Variants in NAA15 observed in about 807,000 individuals in gnomAD.
NAA15 encodes the protein N-alpha-acetyltransferase 15, NatA auxiliary subunit.
A neutral mutation model predicts 114.0 loss-of-function variants in NAA15; 34 were observed. That is an observed-to-expected ratio of 0.30 (90% CI 0.23 to 0.40). NAA15 has a LOEUF of 0.40. Ranked by LOEUF, NAA15 falls within the 10% of genes least tolerant of loss-of-function variation. The probability of loss-of-function intolerance (pLI) is 1.00; values close to 1 mark genes in which losing one functional copy is unlikely to be tolerated. For missense variants in NAA15, 658 were observed against 1,004.5 expected (o/e 0.66, Z 4.66); for synonymous variants, 340 against 338.0 (o/e 1.01, Z -0.06).
chr4:139,321,568 T>G (rs1746612291), intron 1 of NAA15, among the ~76,000 whole-genome samples: 1 of 149,900 alleles, frequency 6.7e-6, no homozygotes, highest in African/African-American at 2.5e-5. Flanking sequence ...GCCTCCCGGA[T>G]TCATGCCATT....
chr4:139,371,042 C>G (rs1304646567), intron 15 of NAA15, among the ~76,000 whole-genome samples: 1 of 152,122 alleles, frequency 6.6e-6, no homozygotes, highest in African/African-American at 2.4e-5. Flanking sequence ...TAATAACATT[C>G]CTTTGTCCTT....
chr4:139,302,006 C>T (rs937593371), intron 1 of NAA15, 175 bp downstream of exon 1: 1 of 613,272 alleles, frequency 1.6e-6, no homozygotes. Flanking sequence ...TACTATGGCC[C>T]GCGCGCCAGG....
intron 15 of NAA15, among the ~76,000 whole-genome samples, chr4:139,373,072 G>A (rs1269652478): frequency 1.3e-5 from 2 of 151,946 alleles, no homozygotes; most frequent in South Asian, 2.1e-4. Context: ...TATGGCAATG[G>A]GATTCTACCA....
chr4:139,385,294 A>ATATATAATATATATTATATATATAT (rs1748879101), intron 18 of NAA15, among the ~76,000 whole-genome samples: 1 of 95,212 alleles, frequency 1.1e-5, no homozygotes, highest in Non-Finnish European at 2.3e-5. Context: ...ATATATATAT[A>ATATATAATATATATTATATATATAT]TATATAATAT....
At chr4:139,344,021 C>T (rs1179721144) in intron 5 of NAA15, among the ~76,000 whole-genome samples, 165 bp from the exon 6 acceptor site, 1 of 152,068 alleles carries the variant, frequency 6.6e-6, no homozygotes. Context: ...CTAATATTGT[C>T]ATTATTTACT....
intron 14 of NAA15, among the ~76,000 whole-genome samples, chr4:139,363,739 C>G (rs1395171314): frequency 6.6e-6 from 1 of 152,164 alleles, no homozygotes; most frequent in Non-Finnish European, 1.5e-5. Context: ...ATAAAAGGTT[C>G]ATCAGTTTTT....
chr4:139,309,426 AGTGTGT>A lies in NAA15; in HGVS notation c.54+7634_54+7639del, dbSNP rs70943412. Among the ~76,000 whole-genome samples, 1,344 of 143,642 alleles carry A rather than the reference AGTGTGT, an allele frequency of 9.4e-3. 14 individuals are homozygous for A. Among genetic ancestry groups the A allele is most frequent in the African/African-American group, 0.025 (962 of 37,966 alleles). 94.2% of individuals were successfully genotyped at this position (143,642 alleles called of 152,430 possible). ...AAATTTATTCTTTGCTTGCTTTTTA[AGTGTGT>A]GTGTGTGTGTGTGTGTGTGTGTGTG... On this transcript the variant is annotated intron_variant, in intron 1 of 19. Coordinates refer to ENST00000296543, the MANE Select transcript of NAA15 (RefSeq NM_057175.5).
chr4:139,315,051 G>GTTAGGTTAGGTTAGGTTAGGTTAGT lies in NAA15; in HGVS notation c.54+13224_54+13225insGTTAGGTTAGGTTAGGTTAGTTTAG, dbSNP rs1553992557. Among the ~76,000 whole-genome samples the GTTAGGTTAGGTTAGGTTAGGTTAGT allele has an allele frequency of 5.0e-4, 56 of 112,432 alleles. 1 individual carries two copies. Among genetic ancestry groups the GTTAGGTTAGGTTAGGTTAGGTTAGT allele is most frequent in the East Asian group, 1.5e-3 (6 of 4,114 alleles). The allele number at this position is 112,432 out of a possible 152,430, so 73.8% of individuals were successfully genotyped here. On this transcript the variant is annotated intron_variant, in intron 1 of 19. Coordinates refer to ENST00000296543, the MANE Select transcript of NAA15 (RefSeq NM_057175.5). ...GTTAGGTTAGGTTAGGTTAGGTTAG[G>GTTAGGTTAGGTTAGGTTAGGTTAGT]TTAGTTTAGTTTAGTTTAGTTTAGT...
chr4:139,383,224 G>A (rs1233402355), intron 17 of NAA15, among the ~76,000 whole-genome samples: 1 of 152,094 alleles, frequency 6.6e-6, no homozygotes, highest in African/African-American at 2.4e-5. Flanking sequence ...CTTTTACACA[G>A]TAGCTTTTCC....
intron 15 of NAA15, among the ~76,000 whole-genome samples, chr4:139,373,265 A>G (rs1210012830): frequency 6.6e-6 from 1 of 152,176 alleles, no homozygotes; most frequent in Non-Finnish European, 1.5e-5. Context: ...CTTAGGCTCT[A>G]TGGTATAGCT....
At chr4:139,385,687 C>T (rs1286634245) in intron 18 of NAA15, among the ~76,000 whole-genome samples, 1 of 152,152 alleles carries the variant, frequency 6.6e-6, no homozygotes, top group Non-Finnish European at 1.5e-5. Flanking sequence ...TTGGCTTAAG[C>T]CCAGCAGCTT....
At chr4:139,333,826 G>A (rs1747111122) in intron 1 of NAA15, among the ~76,000 whole-genome samples, 1 of 152,134 alleles carries the variant, frequency 6.6e-6, no homozygotes, top group East Asian at 1.9e-4. Flanking sequence ...CTTGGGCCCA[G>A]GTGGATATGG....
chr4:139,345,875 T>A (rs1409944508), intron 6 of NAA15, among the ~76,000 whole-genome samples: 2 of 151,896 alleles, frequency 1.3e-5, no homozygotes, highest in African/African-American at 4.8e-5. Flanking sequence ...GAGCTGAGAT[T>A]GTGCCACTGC....
chr4:139,302,022 C>T (rs988668189), intron 1 of NAA15, 191 bp downstream of exon 1: 11 of 513,028 alleles, frequency 2.1e-5, no homozygotes, highest in African/African-American at 6.0e-5. Context: ...CCAGGGACCA[C>T]AGGCTTCTTC....
At chr4:139,347,582 C>T (rs959426107) in intron 6 of NAA15, among the ~76,000 whole-genome samples, 2 of 152,186 alleles carry the variant, frequency 1.3e-5, no homozygotes, top group African/African-American at 4.8e-5. Flanking sequence ...GTTGAGGCTG[C>T]AGTGAGCCAG....
At chr4:139,332,018 G>T (rs2110890082) in intron 1 of NAA15, among the ~76,000 whole-genome samples, 1 of 152,192 alleles carries the variant, frequency 6.6e-6, no homozygotes, top group South Asian at 2.1e-4. Context: ...ACACTAGTTC[G>T]ATTTTTGCTC....
intron 17 of NAA15, among the ~76,000 whole-genome samples, chr4:139,383,796 G>A (rs546936962): frequency 1.3e-5 from 2 of 152,278 alleles, no homozygotes; most frequent in Admixed American, 6.5e-5. Flanking sequence ...AAATGCTTTG[G>A]TGGTCCTTGG....
At position 139,388,044 on chromosome 4, in the gene NAA15, A is replaced by T. The variant is rs761304166; in HGVS notation, c.2561A>T (p.Asp854Val). ...GATATGAAGATCACAGTTAATGGAG[A>T]TAGTTCTGCAGAAGCTGAAGAACTG... ...EEDMKITVNGDSSAEAEELAN... is the reference protein window; with the variant it reads ...EEDMKITVNGVSSAEAEELAN... Residue 854 changes from aspartate to valine, a missense_variant, in exon 20 of 20, where the codon GAT becomes GTT. By Grantham distance (152) the Asp-to-Val change is radical. This residue lies in a region of NAA15 where 275 missense variants were observed against 371.1 expected (regional missense o/e 0.74). Transcript: ENST00000296543. 1.9e-6 allele frequency: 3 copies of T among 1,613,876 alleles called. No homozygotes were observed. In the East Asian group the frequency reaches 6.7e-5, roughly 36 times the overall value.
intron 6 of NAA15, among the ~76,000 whole-genome samples, chr4:139,348,924 G>A (rs1383120457): frequency 6.6e-6 from 1 of 152,204 alleles, no homozygotes; most frequent in Non-Finnish European, 1.5e-5. Flanking sequence ...AAGTTGAATA[G>A]TAGGATTAGT....
Sources: gnomAD v4.1 joint callset for allele counts (sites outside exome capture counted in the v4.1 genomes callset) on GRCh38, gnomAD v4.1.1 for gene constraint, gnomAD v4.1.1 regional missense constraint, MANE v1.5 for transcripts, NCBI Gene and HGNC (gene_info 2026-07-23, HGNC 2026-07-21) for gene names.